Variants in ADORA1 observed in about 807,000 individuals in gnomAD.
The protein encoded by ADORA1 is adenosine receptor A1.
A neutral mutation model predicts 19.9 loss-of-function variants in ADORA1; 6 were observed. That is an observed-to-expected ratio of 0.30 (90% CI 0.17 to 0.59). The LOEUF is 0.59. ADORA1 is among the 20% of genes least tolerant of loss of function. The pLI, the probability that ADORA1 is intolerant of heterozygous loss-of-function variation, is 0.87. For missense variants in ADORA1, 302 were observed against 439.2 expected (o/e 0.69, Z 2.79); for synonymous variants, 194 against 188.4 (o/e 1.03, Z -0.24).
In ADORA1 at chr1:203,128,542, C is replaced by T. The variant is rs1654229122; in HGVS notation, c.-58+110C>T. 1 of 952,744 alleles carries T rather than the reference C, an allele frequency of 1.0e-6. No homozygotes were observed. The highest frequency in any genetic ancestry group is 3.1e-5 in the Admixed American group (1 of 31,866). The allele number at this position is 952,744 out of a possible 1,614,324, so 59.0% of individuals were successfully genotyped here. ...GCGCGCGCTGGGAGCTGCCTCACAC[C>T]TGATAAAAAAGCCAGTGGAGGAGTG... On this transcript the variant is annotated intron_variant, in intron 2 of 3. Transcript: ENST00000337894. This position sits in a 1 kb window ranked among gnomAD's most constrained non-coding sequence, Gnocchi z 5.9.
intron 3 of ADORA1, among the ~76,000 whole-genome samples, chr1:203,160,494 G>A (rs72739540): frequency 6.6e-6 from 1 of 152,178 alleles, no homozygotes; most frequent in Admixed American, 6.6e-5. Flanking sequence ...TTGCGCTGAA[G>A]TATCAATAAA....
chr1:203,165,105 C>G lies in ADORA1; in HGVS notation c.342-156C>G. 1 of 1,551,548 alleles carries G rather than the reference C, an allele frequency of 6.4e-7. No individual in the cohort carries two copies. Among genetic ancestry groups the G allele is most frequent in the Non-Finnish European group, 8.7e-7 (1 of 1,147,378 alleles). Reference sequence around the variant, plus strand: ...CACTAAATCTTAGATCCTGAAGACTCAGCCCTCGAGCAAAAGACATGCACC... The same window carrying G: ...CACTAAATCTTAGATCCTGAAGACTGAGCCCTCGAGCAAAAGACATGCACC... On this transcript the variant is annotated intron_variant, in intron 3 of 3. Transcript: ENST00000337894. This position sits in a 1 kb window ranked among gnomAD's most constrained non-coding sequence, Gnocchi z 5.9.
intron 3 of ADORA1, among the ~76,000 whole-genome samples, chr1:203,133,090 T>C (rs1370603898): frequency 6.6e-6 from 1 of 152,154 alleles, no homozygotes; most frequent in African/African-American, 2.4e-5. Flanking sequence ...GTAGAGCTTA[T>C]TGTTACCCCC....
chr1:203,163,539 C>CCCCAAA (rs1443985698), intron 3 of ADORA1, among the ~76,000 whole-genome samples: 5 of 152,186 alleles, frequency 3.3e-5, no homozygotes, highest in African/African-American at 1.2e-4. Flanking sequence ...GCACAAGAAT[C>CCCCAAA]CTATGATCAC....
chr1:203,141,496 G>T (rs1357026410), intron 3 of ADORA1, among the ~76,000 whole-genome samples: 1 of 151,412 alleles, frequency 6.6e-6, no homozygotes, highest in East Asian at 1.9e-4. Flanking sequence ...CACACTGCTG[G>T]AATGGTACCT....
chr1:203,150,732 C>T lies in ADORA1; in HGVS notation c.342-14529C>T, dbSNP rs1057407083. ...ATGTGGAAGCACAAGCTGTGGAATG[C>T]GGAGCTGAGTGTGGGGGTGGACTCT... On this transcript the variant is annotated intron_variant, in intron 3 of 3. Coordinates refer to ENST00000337894, the MANE Select transcript of ADORA1 (RefSeq NM_000674.3). 229 of 1,289,656 alleles carry T rather than the reference C, an allele frequency of 1.8e-4. 1 individual carries two copies. Among genetic ancestry groups the T allele is most frequent in the Non-Finnish European group, 2.2e-4 (221 of 988,858 alleles). 79.9% of individuals were successfully genotyped at this position (1,289,656 alleles called of 1,614,324 possible). A position where few individuals can be genotyped will look rare whatever the true frequency, so the allele number is the denominator to read the frequency against.
intron 3 of ADORA1, chr1:203,144,583 T>C (rs1241708648): frequency 6.6e-6 from 1 of 152,192 alleles, no homozygotes; most frequent in Non-Finnish European, 1.5e-5. Flanking sequence ...CACAGCTAAG[T>C]ATAGCCAGAA....
At chr1:203,143,741 C>T (rs1381336910) in intron 3 of ADORA1, among the ~76,000 whole-genome samples, 1 of 152,204 alleles carries the variant, frequency 6.6e-6, no homozygotes, top group African/African-American at 2.4e-5. Flanking sequence ...CCTGTTTGTG[C>T]CCCACCCATT....
intron 3 of ADORA1, among the ~76,000 whole-genome samples, chr1:203,161,070 T>C (rs1161658893): frequency 1.3e-5 from 2 of 152,142 alleles, no homozygotes; most frequent in Non-Finnish European, 2.9e-5. Flanking sequence ...TAAACCATAC[T>C]GACACTCTTG....
intron 3 of ADORA1, among the ~76,000 whole-genome samples, chr1:203,135,604 G>T (rs1198106836): frequency 1.3e-5 from 2 of 150,734 alleles, no homozygotes; most frequent in African/African-American, 4.9e-5. Context: ...GTTGCAGTGA[G>T]CTGAGATCAT....
intron 3 of ADORA1, 194 bp downstream of exon 3, chr1:203,129,376 T>C: frequency 1.3e-6 from 1 of 795,362 alleles, no homozygotes; most frequent in Non-Finnish European, 1.5e-6. Context: ...GATGGGTGGC[T>C]GGAGGACTGT....
chr1:203,128,947 G>A lies in ADORA1; in HGVS notation c.106G>A (p.Val36Met). 1 of 1,614,132 alleles carries A rather than the reference G, an allele frequency of 6.2e-7. No homozygotes were observed. Among genetic ancestry groups the A allele is most frequent in the Non-Finnish European group, 8.5e-7 (1 of 1,180,038 alleles). Residue 36 changes from valine to methionine, a missense_variant, in exon 3 of 4, where the codon GTG becomes ATG. By Grantham distance (21) the Val-to-Met change is conservative (BLOSUM62 1). Transcript: ENST00000337894. The surrounding 1 kb of genome is among the most constrained non-coding windows in gnomAD (Gnocchi z 5.9). ...GNVLVIWAVKVNQALRDATFC... is the reference protein window; with the variant it reads ...GNVLVIWAVKMNQALRDATFC... ...CGTGCTGGTGATCTGGGCGGTGAAG[G>A]TGAACCAGGCGCTGCGGGATGCCAC...
At chr1:203,138,074 T>A (rs1558128612) in intron 3 of ADORA1, among the ~76,000 whole-genome samples, 1 of 152,190 alleles carries the variant, frequency 6.6e-6, no homozygotes, top group Non-Finnish European at 1.5e-5. Context: ...AGAATTTGCT[T>A]ATGGGTTGGA....
At chr1:203,129,279 A>G in intron 3 of ADORA1, 97 bp downstream of exon 3, 1 of 1,503,500 alleles carries the variant, frequency 6.7e-7, no homozygotes, top group South Asian at 1.3e-5. Flanking sequence ...GACCCCAAGT[A>G]AGCCAGATGT....
At chr1:203,152,018 G>A (rs561639162) in intron 3 of ADORA1, among the ~76,000 whole-genome samples, 1 of 152,070 alleles carries the variant, frequency 6.6e-6, no homozygotes, top group Non-Finnish European at 1.5e-5. Context: ...CCTCCTTTCT[G>A]CTAGCGCTGA....
At chr1:203,160,641 C>T (rs889969728) in intron 3 of ADORA1, among the ~76,000 whole-genome samples, 1 of 152,022 alleles carries the variant, frequency 6.6e-6, no homozygotes, top group Non-Finnish European at 1.5e-5. Context: ...AGTGAGACCC[C>T]CATCTCTACA....
chr1:203,150,523 TG>T, intron 3 of ADORA1: 1 of 1,077,988 alleles, frequency 9.3e-7, no homozygotes, highest in Non-Finnish European at 1.2e-6. Context: ...GGAAAACTGC[TG>T]GGTCCTGGGG....
rs1171763349 is a variant in ADORA1 at position 203,167,405 on chromosome 1, G to A, written c.*1505G>A. The A allele has an allele frequency of 3.3e-5, 5 of 152,282 alleles. No homozygotes were observed. Among genetic ancestry groups the A allele is most frequent in the Non-Finnish European group, 7.3e-5 (5 of 68,098 alleles). 9.4% of individuals were successfully genotyped at this position (152,282 alleles called of 1,614,324 possible). A position where few individuals can be genotyped will look rare whatever the true frequency, so the allele number is the denominator to read the frequency against. The stretch of plus-strand genomic sequence containing the variant: ...TGACTAATAAAAAACTGTGAACCCT[G>A]TGGAGAGCACATTGCTGGGCGCCCA... On this transcript the variant is annotated 3_prime_UTR_variant, in exon 4 of 4. Transcript: ENST00000337894.
Position 203,128,654 on chromosome 1 carries a change from C to T in ADORA1, c.-57-131C>T. 2 of 1,134,354 alleles carry T rather than the reference C, an allele frequency of 1.8e-6. No individual in the cohort carries two copies. The highest frequency in any genetic ancestry group is 2.4e-6 in the Non-Finnish European group (2 of 824,118). 70.3% of individuals were successfully genotyped at this position (1,134,354 alleles called of 1,614,324 possible). ...ATTAGGCAGAGAAGGGTCCGGGTGC[C>T]CCTCCAGCCTGGGTAGGAGCTGCAT... On this transcript the variant is annotated intron_variant, in intron 2 of 3. Transcript: ENST00000337894. The surrounding 1 kb of genome is among the most constrained non-coding windows in gnomAD (Gnocchi z 5.9).
Sources: allele counts gnomAD v4.1 joint callset (sites outside exome capture counted in the v4.1 genomes callset), GRCh38; gene constraint gnomAD v4.1.1; non-coding constraint Gnocchi (gnomAD v3.1); transcripts MANE v1.5; gene names NCBI Gene and HGNC (gene_info 2026-07-23, HGNC 2026-07-21).